TSPAN1: variants seen among roughly 807,000 people sequenced by gnomAD.
TSPAN1 encodes the protein tetraspanin 1.
In TSPAN1, 23 loss-of-function variants were observed where a neutral mutation model predicts 26.9. The ratio of observed to expected loss-of-function variants is 0.85; its 90% CI spans 0.62 to 1.21. The LOEUF (loss-of-function observed/expected upper bound fraction) is 1.21. TSPAN1 is among the 50% of genes most tolerant of loss of function. The pLI is 0.00. For synonymous variants in TSPAN1, 115 were observed against 114.8 expected, an observed-to-expected ratio of 1.00 and a Z score of -0.01; for missense variants, 283 against 298.4, an observed-to-expected ratio of 0.95 and a Z score of 0.38.
At chr1:46,181,218 G>A in intron 3 of TSPAN1, 54 bp downstream of exon 3, 1 of 1,549,626 alleles carries the variant, frequency 6.5e-7, no homozygotes, top group South Asian at 1.2e-5. Context: ...CAGGTCACAA[G>A]CTGAGTAGAG....
At chr1:46,176,090 T>C (rs184633285) in intron 1 of TSPAN1, 51 of 895,186 alleles carry the variant, frequency 5.7e-5, no homozygotes, top group Admixed American at 9.9e-5. Flanking sequence ...TTAGCCAGGA[T>C]GGTCTCGATC....
At chr1:46,177,536 A>G (rs180997058) in intron 1 of TSPAN1, among the ~76,000 whole-genome samples, 3 of 152,192 alleles carry the variant, frequency 2.0e-5, no homozygotes, top group African/African-American at 7.2e-5. Flanking sequence ...CTTCAGCACT[A>G]CAACTGGGGA....
In TSPAN1 at chr1:46,185,811, A is replaced by G. The variant is rs1657417835; in HGVS notation, c.*278A>G. The G allele has an allele frequency of 7.3e-6, 4 of 545,682 alleles. No individual in the cohort carries two copies. Among genetic ancestry groups the G allele is most frequent in the Non-Finnish European group, 9.9e-6 (3 of 303,512 alleles). 33.8% of individuals were successfully genotyped at this position (545,682 alleles called of 1,614,324 possible). A position where few individuals can be genotyped will look rare whatever the true frequency, so the allele number is the denominator to read the frequency against. Reference sequence around the variant, plus strand: ...ATTCCCCCAGTCTATTAAACCCTTGATATGCCCCCTAGGCCTAGTGGTGAT... The same window carrying G: ...ATTCCCCCAGTCTATTAAACCCTTGGTATGCCCCCTAGGCCTAGTGGTGAT... On this transcript the variant is annotated 3_prime_UTR_variant, in exon 9 of 9. Transcript: ENST00000372003.
the TSPAN1 span, among the ~76,000 whole-genome samples, chr1:46,196,313 T>G: frequency 6.6e-6 from 1 of 152,224 alleles, no homozygotes; most frequent in Non-Finnish European, 1.5e-5. The surrounding 1 kb of genome is among the most constrained non-coding windows in gnomAD (Gnocchi z 4.4). Flanking sequence ...TTCATGGCTC[T>G]TAGAGCCTCT....
intron 1 of TSPAN1, chr1:46,176,272 T>C (rs1376270413): frequency 7.4e-5 from 114 of 1,535,660 alleles, no homozygotes; most frequent in Non-Finnish European, 9.5e-5. Context: ...AGTGTGGGTG[T>C]TGTTGATACC....
the TSPAN1 span, chr1:46,193,824 A>G: frequency 1.6e-5 from 26 of 1,613,054 alleles, no homozygotes; most frequent in African/African-American, 2.7e-4. Context: ...CCTCCTGTTC[A>G]GTGCTGGGTA....
chr1:46,189,859 C>T (rs749960797), downstream of TSPAN1: 1 of 1,613,820 alleles, frequency 6.2e-7, no homozygotes, highest in African/African-American at 1.3e-5. Flanking sequence ...AGCACCTTGG[C>T]AAGCTGGGTC....
chr1:46,175,704 C>T (rs1053672147), intron 1 of TSPAN1: 6 of 399,808 alleles, frequency 1.5e-5, no homozygotes, highest in Non-Finnish European at 2.6e-5. Flanking sequence ...TGGATTCAGC[C>T]CCTCCCCAAA....
intron 1 of TSPAN1, chr1:46,176,448 A>ACGGACAAG (rs746761248): frequency 6.5e-7 from 1 of 1,535,748 alleles, no homozygotes; most frequent in South Asian, 1.2e-5. Flanking sequence ...GCCGAGGGCC[A>ACGGACAAG]CGGACAAGCC....
intron 1 of TSPAN1, among the ~76,000 whole-genome samples, chr1:46,178,921 G>T (rs1657248151): frequency 6.6e-6 from 1 of 152,158 alleles, no homozygotes; most frequent in Non-Finnish European, 1.5e-5. Context: ...ATATATGCAA[G>T]ACATTTAAAA....
intron 1 of TSPAN1, chr1:46,176,161 C>T (rs1657149720): frequency 6.6e-7 from 1 of 1,520,546 alleles, no homozygotes; most frequent in Admixed American, 2.0e-5. Flanking sequence ...AGGCATGAGC[C>T]ACCGCACCCA....
chr1:46,186,483 CTTTT>C (rs1657428733), downstream of TSPAN1, among the ~76,000 whole-genome samples: 2 of 144,344 alleles, frequency 1.4e-5, no homozygotes, highest in Middle Eastern at 3.5e-3. Context: ...TTTTTCTTTT[CTTTT>C]CTTTTTTTTT....
the TSPAN1 span, chr1:46,193,260 G>C: frequency 6.2e-7 from 1 of 1,614,018 alleles, no homozygotes; most frequent in Non-Finnish European, 8.5e-7. Context: ...TAGGGTAGAA[G>C]GCAGAGCCAG....
chr1:46,188,904 A>T (rs773751153), downstream of TSPAN1: 1 of 1,612,830 alleles, frequency 6.2e-7, no homozygotes, highest in East Asian at 2.2e-5. Flanking sequence ...CCCAAAAAGA[A>T]ATCCAGGCCC....
downstream of TSPAN1, chr1:46,190,549 TG>T (rs1657683985): frequency 6.3e-7 from 1 of 1,574,966 alleles, no homozygotes; most frequent in Non-Finnish European, 8.7e-7. Context: ...GTCAGGGGAG[TG>T]GGCAGGCCCT....
chr1:46,190,971 G>A, the TSPAN1 span: 1 of 624,412 alleles, frequency 1.6e-6, no homozygotes. Flanking sequence ...CTTTAATTTG[G>A]CCTCCACCAT....
At chr1:46,187,558 G>A (rs1657461359), downstream of TSPAN1, among the ~76,000 whole-genome samples, 1 of 152,196 alleles carries the variant, frequency 6.6e-6, no homozygotes. Flanking sequence ...GCTGGTCTGT[G>A]AGGGCCAGAC....
chr1:46,185,740 G>C lies in TSPAN1; in HGVS notation c.*207G>C. The C allele has an allele frequency of 9.6e-6, 6 of 623,248 alleles. No individual in the cohort carries two copies. The highest frequency in any genetic ancestry group is 1.4e-5 in the Non-Finnish European group (5 of 355,398). The allele number at this position is 623,248 out of a possible 1,614,324, so 38.6% of individuals were successfully genotyped here. On this transcript the variant is annotated 3_prime_UTR_variant, in exon 9 of 9. Transcript: ENST00000372003. ...CTTTCCTTCCATTGGTGGGTGGATG[G>C]GTGGGGGGCATTCCAGAGCCTCTAA...
At chr1:46,189,770 T>A (rs1176525340), downstream of TSPAN1, 1 of 1,594,438 alleles carries the variant, frequency 6.3e-7, no homozygotes, top group African/African-American at 1.3e-5. Flanking sequence ...GGTTGAAGAT[T>A]CCAGAGCAAA....
Sources: gnomAD v4.1 joint callset for allele counts (sites outside exome capture counted in the v4.1 genomes callset) on GRCh38, gnomAD v4.1.1 for gene constraint, Gnocchi (gnomAD v3.1) non-coding constraint, MANE v1.5 for transcripts, NCBI Gene and HGNC (gene_info 2026-07-23, HGNC 2026-07-21) for gene names.